The following KLHL13 variants were observed in gnomAD, a reference collection of about 807,000 sequenced individuals.
KLHL13 encodes kelch-like protein 13.
In KLHL13, 10 loss-of-function variants were observed where a neutral mutation model predicts 37.1. The ratio of observed to expected loss-of-function variants is 0.27; its 90% CI spans 0.17 to 0.46. The LOEUF (loss-of-function observed/expected upper bound fraction) is 0.46. Among genes scored for constraint, KLHL13 ranks in the 20% least tolerant of loss-of-function variants. The pLI, the probability that KLHL13 is intolerant of heterozygous loss-of-function variation, is 1.00. For synonymous variants in KLHL13, 163 were observed against 181.2 expected (o/e 0.90, Z 0.81); for missense variants, 360 against 509.3 (o/e 0.71, Z 2.82).
At chrX:117,900,749 G>A (rs1930033836) in intron 6 of KLHL13, among the ~76,000 whole-genome samples, 1 of 111,233 alleles carries the variant, frequency 9.0e-6, no homozygotes, top group South Asian at 3.8e-4. Context: ...GCCTGGCACT[G>A]GCAGGCCTTC....
At chrX:118,001,827 C>T (rs1016995867) in intron 1 of KLHL13, among the ~76,000 whole-genome samples, 1 of 101,332 alleles carries the variant, frequency 9.9e-6, no homozygotes, top group Non-Finnish European at 2.0e-5. Flanking sequence ...AAGCCAAGAT[C>T]GTGCCACTGC....
At chrX:117,935,296 G>A (rs916111911) in intron 2 of KLHL13, among the ~76,000 whole-genome samples, 1 of 112,583 alleles carries the variant, frequency 8.9e-6, no homozygotes, top group Non-Finnish European at 1.9e-5. Context: ...AAGGAAGCAT[G>A]TTATATGCCA....
Position 117,905,505 on chromosome X carries a change from G to GCACACA in KLHL13, c.1367-3565_1367-3560dup, listed in dbSNP as rs34703680. 6.9e-3 allele frequency among the ~76,000 whole-genome samples: 717 copies of GCACACA among 103,235 alleles called. 5 individuals carry two copies. The highest frequency in any genetic ancestry group is 0.019 in the African/African-American group (540 of 28,390). 89.6% of individuals were successfully genotyped at this position (103,235 alleles called of 115,157 possible). On this transcript the variant is annotated intron_variant, in intron 5 of 6. Transcript: ENST00000262820. ...CAGGTGAGCACGTGTGCTAGTGCGTGCACACACACACACACACACACACAC... is the reference window on the plus strand; with the variant it reads ...CAGGTGAGCACGTGTGCTAGTGCGTGCACACACACACACACACACACACACACACAC...
intron 1 of KLHL13, among the ~76,000 whole-genome samples, chrX:117,951,609 G>C (rs746067405): frequency 9.0e-6 from 1 of 111,420 alleles, no homozygotes; most frequent in East Asian, 2.8e-4. Context: ...TTATAAAATA[G>C]CTGCTATCTT....
At chrX:118,065,620 T>C (rs1224789570) in intron 1 of KLHL13, among the ~76,000 whole-genome samples, 1 of 111,457 alleles carries the variant, frequency 9.0e-6, no homozygotes, top group East Asian at 2.8e-4. Flanking sequence ...TGTAAAGGAC[T>C]CACATAAAAA....
chrX:117,929,847 C>T (rs1457178535), intron 2 of KLHL13, among the ~76,000 whole-genome samples: 1 of 106,448 alleles, frequency 9.4e-6, no homozygotes, highest in Admixed American at 1.0e-4. Flanking sequence ...CACATATAGT[C>T]CCAGCTACTC....
At chrX:118,033,051 A>G (rs2054379586) in intron 1 of KLHL13, among the ~76,000 whole-genome samples, 1 of 111,057 alleles carries the variant, frequency 9.0e-6, no homozygotes, top group South Asian at 3.8e-4. Context: ...AAAAAGAATA[A>G]AAAGAAATGA....
chrX:117,992,332 C>A (rs2147948953), intron 1 of KLHL13, among the ~76,000 whole-genome samples: 1 of 110,914 alleles, frequency 9.0e-6, no homozygotes, highest in South Asian at 3.9e-4. Context: ...TCGCACCTTT[C>A]CTGACTCTCT....
At chrX:117,964,402 G>A (rs906895216) in intron 1 of KLHL13, among the ~76,000 whole-genome samples, 1 of 111,566 alleles carries the variant, frequency 9.0e-6, no homozygotes, top group Non-Finnish European at 1.9e-5. Flanking sequence ...TTCACAGCAG[G>A]AGAATAAATT....
chrX:118,040,440 G>T (rs1490359883), intron 1 of KLHL13, among the ~76,000 whole-genome samples: 1 of 111,863 alleles, frequency 8.9e-6, no homozygotes, highest in Non-Finnish European at 1.9e-5. Flanking sequence ...ATGAGTCAGA[G>T]TCTCTCAACA....
intron 1 of KLHL13, among the ~76,000 whole-genome samples, chrX:117,951,359 TTCTC>T (rs1402464190): frequency 8.9e-6 from 1 of 112,218 alleles, no homozygotes; most frequent in South Asian, 3.7e-4. Context: ...TCATAGCAAC[TTCTC>T]TCTCTTTTTT....
chrX:117,987,876 G>A lies in KLHL13; in HGVS notation c.-55-42301C>T, dbSNP rs756808466. Reference sequence around the variant, plus strand: ...TTCCACTAACTTATAAGGAAAAAAAGCAAGTACAGAATAAGAGGAGAATGT... The same window carrying A: ...TTCCACTAACTTATAAGGAAAAAAAACAAGTACAGAATAAGAGGAGAATGT... On this transcript the variant is annotated intron_variant, in intron 1 of 6. Coordinates refer to the KLHL13 transcript ENST00000371882. Among the ~76,000 whole-genome samples, 45 of 111,849 alleles carry A rather than the reference G, an allele frequency of 4.0e-4. No homozygotes were observed. The East Asian group carries it at 0.011, about 27-fold the overall frequency.
chrX:118,073,817 G>GT (rs1328333985), intron 1 of KLHL13, among the ~76,000 whole-genome samples: 1 of 111,407 alleles, frequency 9.0e-6, no homozygotes, highest in African/African-American at 3.3e-5. Flanking sequence ...TTCCTTGCCA[G>GT]TAACTGTCAT....
At chrX:118,021,702 G>C (rs765611396) in intron 1 of KLHL13, among the ~76,000 whole-genome samples, 3,982 of 108,922 alleles carry the variant, frequency 0.037, 289 homozygotes, top group African/African-American at 0.13. Context: ...ATAAACATAC[G>C]TGTGCATGTC....
At chrX:117,980,979 T>G (rs2053654331) in intron 1 of KLHL13, among the ~76,000 whole-genome samples, 1 of 112,022 alleles carries the variant, frequency 8.9e-6, no homozygotes, top group South Asian at 3.7e-4. Flanking sequence ...ACTTCTATTT[T>G]CATGACTATT....
intron 2 of KLHL13, among the ~76,000 whole-genome samples, chrX:117,931,157 T>A (rs1490968401): frequency 8.9e-6 from 1 of 111,734 alleles, no homozygotes; most frequent in South Asian, 3.7e-4. Flanking sequence ...TAAAATGATA[T>A]CCTACATTGA....
intron 5 of KLHL13, among the ~76,000 whole-genome samples, chrX:117,907,431 C>T (rs967958275): frequency 2.7e-5 from 3 of 111,653 alleles, no homozygotes; most frequent in Admixed American, 9.6e-5. Flanking sequence ...CTTTGAAAAA[C>T]GGAGCTACTT....
chrX:117,965,451 T>G, intron 1 of KLHL13, among the ~76,000 whole-genome samples: 1 of 111,669 alleles, frequency 9.0e-6, no homozygotes. Flanking sequence ...TTGTTGTAAA[T>G]TTGTTTGAAA....
At chrX:117,969,878 G>A (rs1288360519) in intron 1 of KLHL13, among the ~76,000 whole-genome samples, 1 of 111,468 alleles carries the variant, frequency 9.0e-6, no homozygotes, top group Non-Finnish European at 1.9e-5. Flanking sequence ...TAAAAATGTT[G>A]GGACATTTCA....
Sources: gnomAD v4.1 joint callset for allele counts (sites outside exome capture counted in the v4.1 genomes callset) on GRCh38, gnomAD v4.1.1 for gene constraint, MANE v1.5 for transcripts, NCBI Gene and HGNC (gene_info 2026-07-23, HGNC 2026-07-21) for gene names.